The following LRRTM3 variants were observed in gnomAD, a reference collection of about 807,000 sequenced individuals.
The protein encoded by LRRTM3 is leucine rich repeat transmembrane neuronal 3, also known as leucine-rich repeat transmembrane neuronal protein 3.
In LRRTM3, 24 loss-of-function variants were observed where a neutral mutation model predicts 44.7. The ratio of observed to expected loss-of-function variants is 0.54; its 90% CI spans 0.39 to 0.76. The LOEUF is 0.76. Ranked by LOEUF, LRRTM3 falls within the 30% of genes least tolerant of loss-of-function variation. The probability of loss-of-function intolerance (pLI) is 0.00; values close to 1 mark genes in which losing one functional copy is unlikely to be tolerated. For synonymous variants in LRRTM3, 277 were observed against 278.7 expected (o/e 0.99, Z 0.06); for missense variants, 587 against 702.2 (o/e 0.84, Z 1.85).
chr10:66,939,296 C>T (rs1432775478), intron 2 of LRRTM3, among the ~76,000 whole-genome samples: 3 of 152,232 alleles, frequency 2.0e-5, no homozygotes, highest in African/African-American at 4.8e-5. Context: ...CTTTGCACTA[C>T]ATTTCTTTTT....
In LRRTM3 at chr10:67,040,053, ATC is replaced by A. The variant is rs758455473; in HGVS notation, c.1537-57526_1537-57525del. Among the ~76,000 whole-genome samples the A allele has an allele frequency of 3.4e-4, 52 of 152,046 alleles. No homozygotes were observed. In the Middle Eastern group the frequency reaches 0.01, roughly 30 times the overall value. ...GGTTAGTGACACTCCACACCCATTCATCTCTCTCTTTTTTTTGGTAGTGTAAT... is the reference window on the plus strand; with the variant it reads ...GGTTAGTGACACTCCACACCCATTCATCTCTCTTTTTTTTGGTAGTGTAAT... On this transcript the variant is annotated intron_variant, in intron 2 of 2. Coordinates refer to ENST00000361320, the MANE Select transcript of LRRTM3 (RefSeq NM_178011.5).
chr10:66,957,397 T>TATATATATATATGCATATATATATATGC (rs1564793769), intron 2 of LRRTM3, among the ~76,000 whole-genome samples: 14 of 36,846 alleles, frequency 3.8e-4, no homozygotes, highest in Non-Finnish European at 1.2e-3. Context: ...TATATACATA[T>TATATATATATATGCATATATATATATGC]ATATATATAT....
intron 2 of LRRTM3, among the ~76,000 whole-genome samples, chr10:66,991,896 A>T (rs2132938346): frequency 6.6e-6 from 1 of 152,280 alleles, no homozygotes; most frequent in African/African-American, 2.4e-5. Flanking sequence ...CATTCTAGAA[A>T]AGAAGGCCAT....
intron 2 of LRRTM3, among the ~76,000 whole-genome samples, chr10:67,025,168 G>A: frequency 1.4e-5 from 2 of 146,174 alleles, no homozygotes; most frequent in African/African-American, 5.1e-5. Context: ...AAGGAAGGAA[G>A]GAAGGAAAGA....
Position 67,097,783 on chromosome 10 carries a change from A to G in LRRTM3, c.1733A>G (p.Gln578Arg). 6.2e-7 allele frequency: 1 copy of G among 1,612,318 alleles called. No homozygotes were observed. Residue 578 changes from glutamine to arginine, a missense_variant, in exon 3 of 3, where the codon CAG becomes CGG. By Grantham distance (43) the Gln-to-Arg change is conservative. This residue lies in a region of LRRTM3 where 315 missense variants were observed against 335.6 expected (regional missense o/e 0.94). Transcript: ENST00000361320. ...TTAGRISDHK[Q>R]QLA ...GCTGGCCGAATCAGTGACCATAAAC[A>G]GCAGCTAGCTTAACTGAGATCATTG...
At chr10:66,994,831 T>C (rs716546) in intron 2 of LRRTM3, among the ~76,000 whole-genome samples, 71,450 of 152,004 alleles carry the variant, frequency 0.47, 17,328 homozygotes, top group African/African-American at 0.55. Flanking sequence ...TGAGAATTTC[T>C]ATACATTGTA....
chr10:66,978,711 G>A (rs1283724567), intron 2 of LRRTM3, among the ~76,000 whole-genome samples: 1 of 149,612 alleles, frequency 6.7e-6, no homozygotes, highest in African/African-American at 2.4e-5. Flanking sequence ...AAGTTCCAGT[G>A]AATAAATACA....
At chr10:66,978,631 T>G (rs1454052659) in intron 2 of LRRTM3, among the ~76,000 whole-genome samples, 1 of 146,782 alleles carries the variant, frequency 6.8e-6, no homozygotes, top group Non-Finnish European at 1.5e-5. Flanking sequence ...CTTACCACAG[T>G]TTTTAAAAAG....
intron 2 of LRRTM3, among the ~76,000 whole-genome samples, chr10:67,062,944 T>C (rs1407200262): frequency 6.6e-6 from 1 of 152,144 alleles, no homozygotes; most frequent in African/African-American, 2.4e-5. Flanking sequence ...TTTTTTTAGC[T>C]CTCTCATATG....
chr10:66,958,303 T>A (rs1848930715), intron 2 of LRRTM3, among the ~76,000 whole-genome samples: 2 of 126,374 alleles, frequency 1.6e-5, no homozygotes, highest in South Asian at 2.8e-4. Flanking sequence ...CCACCTGCTT[T>A]CTTGCAAAAA....
intron 1 of LRRTM3, 110 bp downstream of exon 1, chr10:66,926,697 T>A (rs985404006): frequency 1.5e-5 from 20 of 1,292,634 alleles, no homozygotes; most frequent in Non-Finnish European, 2.2e-5. Flanking sequence ...TGCTCTGCTC[T>A]AAGACTATGA....
intron 2 of LRRTM3, among the ~76,000 whole-genome samples, chr10:66,999,473 A>C (rs1047965375): frequency 2.0e-5 from 3 of 152,054 alleles, no homozygotes; most frequent in Non-Finnish European, 4.4e-5. Context: ...GTCATCTTGT[A>C]TGGATCAGAA....
In LRRTM3 at chr10:66,960,510, A is replaced by G. The variant is rs1361735437; in HGVS notation, c.1536+32058A>G. Reference sequence around the variant, plus strand: ...AGTAGAGAACTAATTACTAATTACAATGATCTTTTCTCAGATAATATGTAG... The same window carrying G: ...AGTAGAGAACTAATTACTAATTACAGTGATCTTTTCTCAGATAATATGTAG... On this transcript the variant is annotated intron_variant, in intron 2 of 2. Transcript: ENST00000361320. Among the ~76,000 whole-genome samples, 5 of 152,292 alleles carry G rather than the reference A, an allele frequency of 3.3e-5. No homozygotes were observed. In the East Asian group the frequency reaches 9.6e-4, roughly 29 times the overall value.
chr10:67,035,410 T>C (rs1345431040), intron 2 of LRRTM3, among the ~76,000 whole-genome samples: 4 of 152,194 alleles, frequency 2.6e-5, no homozygotes, highest in African/African-American at 9.6e-5. Flanking sequence ...ATATGCGTTA[T>C]TTAAAGTTAA....
At chr10:66,956,632 G>C (rs574172519) in intron 2 of LRRTM3, among the ~76,000 whole-genome samples, 1 of 152,308 alleles carries the variant, frequency 6.6e-6, no homozygotes, top group South Asian at 2.1e-4. Context: ...TGTCATTTCA[G>C]AGTGAAATTA....
chr10:66,951,742 A>G (rs1317227468), intron 2 of LRRTM3, among the ~76,000 whole-genome samples: 2 of 152,154 alleles, frequency 1.3e-5, no homozygotes, highest in African/African-American at 4.8e-5. Flanking sequence ...TTTGTTCAGA[A>G]TATTTATTTT....
intron 2 of LRRTM3, among the ~76,000 whole-genome samples, chr10:67,073,621 A>C (rs2131855188): frequency 6.6e-6 from 1 of 152,282 alleles, no homozygotes; most frequent in East Asian, 1.9e-4. Context: ...ATAAAGAGGA[A>C]AAAAACGAGA....
In LRRTM3 at chr10:67,097,753, C is replaced by T. The variant is rs1456277964; in HGVS notation, c.1703C>T (p.Thr568Ile). 1.9e-6 allele frequency: 3 copies of T among 1,612,550 alleles called. No individual in the cohort carries two copies. Among genetic ancestry groups the T allele is most frequent in the South Asian group, 2.2e-5 (2 of 91,062 alleles). Reference sequence around the variant, plus strand: ...ACTGAGCTGGACCTGAGCACAATCACAACAGCTGGCCGAATCAGTGACCAT... The same window carrying T: ...ACTGAGCTGGACCTGAGCACAATCATAACAGCTGGCCGAATCAGTGACCAT... Reference protein sequence around the residue: ...LETELDLSTITTAGRISDHKQ... With the variant: ...LETELDLSTIITAGRISDHKQ... The change falls in exon 3 of 3, where the codon ACA (threonine) becomes ATA (isoleucine). Residue 568 changes from threonine (T) to isoleucine (I), a missense_variant. Physicochemically the swap from Thr to Ile is moderately conservative, Grantham distance 89 (BLOSUM62 -1). Coordinates refer to ENST00000361320, the MANE Select transcript of LRRTM3 (RefSeq NM_178011.5).
At chr10:67,064,433 G>A (rs149544075) in intron 2 of LRRTM3, among the ~76,000 whole-genome samples, 2,050 of 152,118 alleles carry the variant, frequency 0.013, 48 homozygotes, top group African/African-American at 0.045. Context: ...ATAAATTTAT[G>A]TATTTTAGAA....
Sources: allele counts gnomAD v4.1 joint callset (sites outside exome capture counted in the v4.1 genomes callset), GRCh38; gene constraint gnomAD v4.1.1; regional missense constraint gnomAD v4.1.1; transcripts MANE v1.5; gene names NCBI Gene and HGNC (gene_info 2026-07-23, HGNC 2026-07-21).